TEAD4: variants seen among roughly 807,000 people sequenced by gnomAD.
TEAD4 encodes the protein transcriptional enhancer factor TEF-3.
A neutral mutation model predicts 52.4 loss-of-function variants in TEAD4; 36 were observed. The observed-to-expected ratio is 0.69, with a 90% confidence interval of 0.53 to 0.91. The LOEUF is 0.91. TEAD4 is among the 40% of genes least tolerant of loss of function. The pLI is 0.00. For missense variants in TEAD4, 508 were observed against 583.9 expected, an observed-to-expected ratio of 0.87 and a Z score of 1.34; for synonymous variants, 220 against 231.0, an observed-to-expected ratio of 0.95 and a Z score of 0.43.
At chr12:2,972,738 T>G (rs2098226315) in intron 2 of TEAD4, among the ~76,000 whole-genome samples, 1 of 151,932 alleles carries the variant, frequency 6.6e-6, no homozygotes, top group Admixed American at 6.6e-5. Flanking sequence ...TGACCTCAGG[T>G]GATCCGCCCG....
intron 10 of TEAD4, among the ~76,000 whole-genome samples, chr12:3,028,997 A>G (rs1434326126): frequency 6.6e-6 from 1 of 152,084 alleles, no homozygotes; most frequent in Non-Finnish European, 1.5e-5. Flanking sequence ...TTAGTTCTGG[A>G]TGAAAGTTCC....
intron 7 of TEAD4, 61 bp from the exon 8 acceptor site, chr12:3,019,054 G>T: frequency 6.3e-7 from 1 of 1,594,700 alleles, no homozygotes; most frequent in Non-Finnish European, 8.6e-7. Context: ...TGGACCCAGT[G>T]CAGGGATCCG....
intron 2 of TEAD4, among the ~76,000 whole-genome samples, chr12:2,973,844 T>C (rs2098227234): frequency 6.6e-6 from 1 of 152,082 alleles, no homozygotes; most frequent in Non-Finnish European, 1.5e-5. Flanking sequence ...TCGTGCCTTC[T>C]GGAATGGGAG....
chr12:3,031,726 T>TA (rs1396411545), intron 10 of TEAD4, among the ~76,000 whole-genome samples: 2 of 152,004 alleles, frequency 1.3e-5, no homozygotes, highest in African/African-American at 4.8e-5. Flanking sequence ...CAAGACTGGA[T>TA]AACCTCATCT....
At chr12:2,962,535 A>G (rs1163335910) in intron 2 of TEAD4, among the ~76,000 whole-genome samples, 2 of 151,660 alleles carry the variant, frequency 1.3e-5, no homozygotes, top group Non-Finnish European at 2.9e-5. Context: ...GAGTTTCTCC[A>G]TGTTGGTCAG....
chr12:3,033,614 G>T (rs2098277321), intron 10 of TEAD4, among the ~76,000 whole-genome samples: 1 of 152,174 alleles, frequency 6.6e-6, no homozygotes, highest in East Asian at 1.9e-4. Flanking sequence ...ACATGACAAT[G>T]AATCTGAGCC....
At chr12:2,978,604 A>G (rs2098231730) in intron 2 of TEAD4, among the ~76,000 whole-genome samples, 2 of 152,082 alleles carry the variant, frequency 1.3e-5, no homozygotes, top group African/African-American at 2.4e-5. Context: ...AGGTTTCACC[A>G]TGTTGGCCAG....
intron 10 of TEAD4, among the ~76,000 whole-genome samples, chr12:3,028,745 C>T (rs2098273612): frequency 6.6e-6 from 1 of 152,058 alleles, no homozygotes; most frequent in South Asian, 2.1e-4. Flanking sequence ...ATTCTCGTAC[C>T]TCAGCCTTCT....
At chr12:2,963,077 A>T (rs762003526) in intron 2 of TEAD4, among the ~76,000 whole-genome samples, 1 of 152,210 alleles carries the variant, frequency 6.6e-6, no homozygotes, top group Non-Finnish European at 1.5e-5. Flanking sequence ...GGAAGGAGCC[A>T]TCTCACTGTA....
intron 3 of TEAD4, among the ~76,000 whole-genome samples, chr12:3,009,798 G>A (rs1028285828): frequency 7.2e-5 from 11 of 152,208 alleles, no homozygotes; most frequent in African/African-American, 2.7e-4. Flanking sequence ...ACACAGACGA[G>A]GCAGTGGTCC....
chr12:2,970,251 A>T (rs891639028), intron 2 of TEAD4, among the ~76,000 whole-genome samples: 1 of 152,204 alleles, frequency 6.6e-6, no homozygotes, highest in Admixed American at 6.5e-5. Flanking sequence ...CTCAATTTGG[A>T]CTAACAACGT....
chr12:2,985,580 A>G (rs1404447783), intron 2 of TEAD4, among the ~76,000 whole-genome samples: 1 of 122,350 alleles, frequency 8.2e-6, no homozygotes, highest in Non-Finnish European at 1.6e-5. Context: ...ATCTCGGCTC[A>G]CTGCAACCTC....
rs75544199 is a variant in TEAD4, at chr12:2,979,489, C to T, written c.-29-15249C>T. ...AGAGCTGACCCAGGTAGACGAAGTGCGGCGTTGCCGACCTCAGCTGGGAGC... is the reference window on the plus strand; with the variant it reads ...AGAGCTGACCCAGGTAGACGAAGTGTGGCGTTGCCGACCTCAGCTGGGAGC... On this transcript the variant is annotated intron_variant, in intron 2 of 12. Transcript: ENST00000359864. Among the ~76,000 whole-genome samples, 164 of 152,324 alleles carry T rather than the reference C, an allele frequency of 1.1e-3. 2 individuals are homozygous for T. The East Asian group carries it at 0.023, about 21-fold the overall frequency.
chr12:2,989,748 A>G lies in TEAD4; in HGVS notation c.-29-4990A>G, dbSNP rs565712624. ...ACCCACCACACCAGAAAGAAGTTCA[A>G]TATCAGTTTAATAGTCCTTCCTTTC... On this transcript the variant is annotated intron_variant, in intron 2 of 12. Coordinates refer to ENST00000359864, the MANE Select transcript of TEAD4 (RefSeq NM_003213.4). Among the ~76,000 whole-genome samples, 148 of 152,290 alleles carry G rather than the reference A, an allele frequency of 9.7e-4. 1 individual carries two copies. Among genetic ancestry groups the G allele is most frequent in the African/African-American group, 3.1e-3 (127 of 41,582 alleles).
At chr12:2,999,293 C>T (rs1000012605) in intron 3 of TEAD4, among the ~76,000 whole-genome samples, 1 of 152,134 alleles carries the variant, frequency 6.6e-6, no homozygotes, top group Non-Finnish European at 1.5e-5. Flanking sequence ...GGTCTTTTCT[C>T]CCCCCTCACT....
intron 5 of TEAD4, among the ~76,000 whole-genome samples, chr12:3,014,962 G>T (rs2098263248): frequency 6.6e-6 from 1 of 152,208 alleles, no homozygotes; most frequent in African/African-American, 2.4e-5. Flanking sequence ...TGCGGGGAGA[G>T]GTCAGGGGCT....
intron 2 of TEAD4, among the ~76,000 whole-genome samples, chr12:2,990,461 CTTTTTTTTT>C (rs71057876): frequency 7.5e-5 from 5 of 67,036 alleles, no homozygotes; most frequent in African/African-American, 1.8e-4. Context: ...GACAGATAAT[CTTTTTTTTT>C]TTTTTTTTTT....
At chr12:3,035,656 C>T (rs188845947) in intron 10 of TEAD4, among the ~76,000 whole-genome samples, 1 of 151,942 alleles carries the variant, frequency 6.6e-6, no homozygotes, top group African/African-American at 2.4e-5. Context: ...CCTGCCTCTA[C>T]AAAAAATTTA....
intron 2 of TEAD4, among the ~76,000 whole-genome samples, chr12:2,982,617 C>T (rs2098234991): frequency 6.6e-6 from 1 of 152,108 alleles, no homozygotes; most frequent in Non-Finnish European, 1.5e-5. Context: ...AGCTGCCAGC[C>T]CCGGGATGTG....
Sources: gnomAD v4.1 joint callset for allele counts (sites outside exome capture counted in the v4.1 genomes callset) on GRCh38, gnomAD v4.1.1 for gene constraint, MANE v1.5 for transcripts, NCBI Gene and HGNC (gene_info 2026-07-23, HGNC 2026-07-21) for gene names.